PCDHGB1: variants seen among roughly 807,000 people sequenced by gnomAD.
PCDHGB1 encodes the protein protocadherin gamma subfamily B, 1.
A neutral mutation model predicts 56.6 loss-of-function variants in PCDHGB1; 34 were observed. That is an observed-to-expected ratio of 0.60 (90% CI 0.46 to 0.80). The LOEUF (loss-of-function observed/expected upper bound fraction) is 0.80, where lower values mean the gene tolerates loss of function less well. Among genes scored for constraint, PCDHGB1 ranks in the 30% least tolerant of loss-of-function variants. The probability of loss-of-function intolerance (pLI) is 0.00; values close to 1 mark genes in which losing one functional copy is unlikely to be tolerated. For synonymous variants in PCDHGB1, 561 were observed against 505.9 expected, an observed-to-expected ratio of 1.11 and a Z score of -1.46; for missense variants, 1,278 against 1,204.6, an observed-to-expected ratio of 1.06 and a Z score of -0.90.
At chr5:141,372,140 A>C in intron 1 of PCDHGB1, 1 of 1,613,766 alleles carries the variant, frequency 6.2e-7, no homozygotes, top group Non-Finnish European at 8.5e-7. Context: ...CGCGCTCTGC[A>C]GAGCCTGGCT....
At chr5:141,352,876 T>C (rs1759133957) in intron 1 of PCDHGB1, among the ~76,000 whole-genome samples, 1 of 152,126 alleles carries the variant, frequency 6.6e-6, no homozygotes, top group African/African-American at 2.4e-5. Context: ...TAGTCCCAGT[T>C]ACTCAGGAAG....
intron 1 of PCDHGB1, among the ~76,000 whole-genome samples, chr5:141,456,206 T>C (rs966457070): frequency 6.6e-6 from 1 of 152,098 alleles, no homozygotes; most frequent in African/African-American, 2.4e-5. Context: ...ACCACATTCC[T>C]CCCTGTGGCG....
chr5:141,489,723 T>C lies in PCDHGB1; in HGVS notation c.2410-5084T>C, dbSNP rs900332220. ...CACTGGACAGTGCCCAGGATCCGGA[T>C]GTGGGCACCAATACTGTGAGCTTTT... On this transcript the variant is annotated intron_variant, in intron 1 of 3. Coordinates refer to ENST00000523390, the MANE Select transcript of PCDHGB1 (RefSeq NM_018922.3). This position sits in a 1 kb window ranked among gnomAD's most constrained non-coding sequence, Gnocchi z 4.5. 4.3e-6 allele frequency: 7 copies of C among 1,613,958 alleles called. No homozygotes were observed. The highest frequency in any genetic ancestry group is 5.9e-6 in the Non-Finnish European group (7 of 1,179,940).
intron 2 of PCDHGB1, among the ~76,000 whole-genome samples, chr5:141,501,868 C>G (rs1016056445): frequency 1.3e-5 from 2 of 152,120 alleles, no homozygotes; most frequent in African/African-American, 2.4e-5. Flanking sequence ...TCCCAGGACG[C>G]CTCCTTACAC....
chr5:141,414,283 G>A, intron 1 of PCDHGB1: 1 of 1,613,520 alleles, frequency 6.2e-7, no homozygotes, highest in South Asian at 1.1e-5. Flanking sequence ...GGGAACAGTC[G>A]TAGCCCTTTT....
At position 141,357,645 on chromosome 5, in the gene PCDHGB1, A is replaced by G. The variant is rs374651812; in HGVS notation, c.2409+4976A>G. 1.9e-6 allele frequency: 3 copies of G among 1,610,840 alleles called. 1 individual carries two copies. The highest frequency in any genetic ancestry group is 2.2e-5 in the South Asian group (2 of 90,876). ...AGGTGAGTCAATCTTATAATAGATC[A>G]TACCACACTGAAATATAGACAAAGA... On this transcript the variant is annotated intron_variant, in intron 1 of 3. Coordinates refer to ENST00000523390, the MANE Select transcript of PCDHGB1 (RefSeq NM_018922.3).
intron 1 of PCDHGB1, among the ~76,000 whole-genome samples, chr5:141,453,288 A>AT (rs2098760999): frequency 2.0e-5 from 3 of 151,342 alleles, no homozygotes; most frequent in African/African-American, 7.3e-5. Flanking sequence ...TAATTTTTTA[A>AT]TTATTTATTT....
chr5:141,455,149 TTA>T (rs537241375), intron 1 of PCDHGB1, among the ~76,000 whole-genome samples: 1 of 148,248 alleles, frequency 6.7e-6, no homozygotes, highest in Non-Finnish European at 1.5e-5. Context: ...TAAATAAATA[TTA>T]GTTTGTTGGT....
At position 141,363,058 on chromosome 5, in the gene PCDHGB1, C is replaced by G. The variant is rs114390762; in HGVS notation, c.2409+10389C>G. On this transcript the variant is annotated intron_variant, in intron 1 of 3. Coordinates refer to ENST00000523390, the MANE Select transcript of PCDHGB1 (RefSeq NM_018922.3). ...GACTTGAAGACCAACACTCAGTAAG[C>G]TAAATGTCTTGGAATCACAAATGTA... Among the ~76,000 whole-genome samples the G allele has an allele frequency of 1.4e-3, 215 of 152,336 alleles. 2 individuals carry two copies. Among genetic ancestry groups the G allele is most frequent in the African/African-American group, 4.9e-3 (205 of 41,574 alleles).
Position 141,485,444 on chromosome 5 carries a change from G to T in PCDHGB1, c.2410-9363G>T. 1 of 1,614,108 alleles carries T rather than the reference G, an allele frequency of 6.2e-7. No homozygotes were observed. The highest frequency in any genetic ancestry group is 8.5e-7 in the Non-Finnish European group (1 of 1,180,020). ...AGCCCTGCTCATCAAGAACCCAATC[G>T]ACCGAGAGGCACTGTGTGGGCTCAG... is the stretch of plus-strand genomic sequence containing the variant. On this transcript the variant is annotated intron_variant, in intron 1 of 3. Coordinates refer to ENST00000523390, the MANE Select transcript of PCDHGB1 (RefSeq NM_018922.3). This position sits in a 1 kb window ranked among gnomAD's most constrained non-coding sequence, Gnocchi z 5.7.
At chr5:141,384,890 TG>T in intron 1 of PCDHGB1, 1 of 1,613,868 alleles carries the variant, frequency 6.2e-7, no homozygotes, top group Non-Finnish European at 8.5e-7. Flanking sequence ...ACCGTGGCTG[TG>T]GCTGACAGCA....
At chr5:141,355,726 G>A (rs771155381) in intron 1 of PCDHGB1, 1 of 1,613,978 alleles carries the variant, frequency 6.2e-7, no homozygotes, top group East Asian at 2.2e-5. Context: ...CAACTCAAAC[G>A]GTTACTTTTC....
At chr5:141,425,253 A>G (rs1019069029) in intron 1 of PCDHGB1, among the ~76,000 whole-genome samples, 12 of 152,196 alleles carry the variant, frequency 7.9e-5, no homozygotes, top group Non-Finnish European at 1.5e-4. Context: ...GATATGAGGT[A>G]TTTGGCTGGG....
chr5:141,399,731 CGCCTGCGCTCAGCGCAAACGTGA>C (rs777966215), intron 1 of PCDHGB1: 5 of 1,613,174 alleles, frequency 3.1e-6, no homozygotes, highest in Admixed American at 1.7e-5. Flanking sequence ...GACCAGGGCT[CGCCTGCGCTCAGCGCAAACGTGA>C]GCCTGCGCGT....
At chr5:141,352,825 T>TAAAATTACA in intron 1 of PCDHGB1, 156 bp downstream of exon 1, 1 of 778,004 alleles carries the variant, frequency 1.3e-6, no homozygotes, top group Non-Finnish European at 2.0e-6. Context: ...CCCGGTCTAC[T>TAAAATTACA]AAAATTACAA....
chr5:141,361,940 C>T (rs1561525180), intron 1 of PCDHGB1: 2 of 1,605,414 alleles, frequency 1.2e-6, no homozygotes, highest in Non-Finnish European at 1.7e-6. Context: ...GGACACAACG[C>T]TTGGCTGTCC....
chr5:141,478,127 C>T (rs1323163663), intron 1 of PCDHGB1: 1 of 1,613,988 alleles, frequency 6.2e-7, no homozygotes, highest in Admixed American at 1.7e-5. Flanking sequence ...CGAGGACTCT[C>T]CTGAAGCCCG....
At chr5:141,366,898 G>A in intron 1 of PCDHGB1, 4 of 1,204,000 alleles carry the variant, frequency 3.3e-6, no homozygotes, top group Non-Finnish European at 3.4e-6. Flanking sequence ...TATAATTCAT[G>A]CTTTCTCCAT....
intron 1 of PCDHGB1, chr5:141,370,342 A>G (rs968653011): frequency 1.3e-5 from 19 of 1,475,912 alleles, no homozygotes; most frequent in Non-Finnish European, 1.7e-5. Flanking sequence ...TCTTGGGATT[A>G]TTTAAAGATC....
Sources: gnomAD v4.1 joint callset for allele counts (sites outside exome capture counted in the v4.1 genomes callset) on GRCh38, gnomAD v4.1.1 for gene constraint, Gnocchi (gnomAD v3.1) non-coding constraint, MANE v1.5 for transcripts, NCBI Gene and HGNC (gene_info 2026-07-23, HGNC 2026-07-21) for gene names.